Variants in ADAMTSL3 observed in about 807,000 individuals in gnomAD.
The protein encoded by ADAMTSL3 is ADAMTS like 3.
In ADAMTSL3, 128 loss-of-function variants were observed where a neutral mutation model predicts 201.7. That is an observed-to-expected ratio of 0.63 (90% CI 0.55 to 0.73). ADAMTSL3 has a LOEUF of 0.73. Ranked by LOEUF, ADAMTSL3 falls within the 30% of genes least tolerant of loss-of-function variation. The pLI is 0.00. For synonymous variants in ADAMTSL3, 738 were observed against 748.4 expected (o/e 0.99, Z 0.23); for missense variants, 1,990 against 2,119.6 (o/e 0.94, Z 1.20).
At chr15:83,794,618 A>C (rs2063394376) in intron 4 of ADAMTSL3, among the ~76,000 whole-genome samples, 1 of 152,016 alleles carries the variant, frequency 6.6e-6, no homozygotes, top group South Asian at 2.1e-4. Flanking sequence ...AAATTATAGA[A>C]ATGGAGAACA....
intron 15 of ADAMTSL3, among the ~76,000 whole-genome samples, chr15:83,903,298 A>G (rs1345896083): frequency 3.4e-5 from 5 of 146,048 alleles, no homozygotes; most frequent in Non-Finnish European, 4.4e-5. Flanking sequence ...TACCATTTTA[A>G]CCATTTGAAA....
chr15:84,007,666 A>G (rs1306958891), intron 23 of ADAMTSL3, among the ~76,000 whole-genome samples: 1 of 152,220 alleles, frequency 6.6e-6, no homozygotes, highest in African/African-American at 2.4e-5. Flanking sequence ...ATCATAAAAC[A>G]TCATAAGCAG....
At chr15:84,031,301 A>G in intron 27 of ADAMTSL3, 34 bp from the exon 28 acceptor site, 3 of 1,601,434 alleles carry the variant, frequency 1.9e-6, no homozygotes, top group Middle Eastern at 1.9e-4. Flanking sequence ...ATGAGCTTGC[A>G]GGATTTACAC....
chr15:83,825,580 C>A (rs2064005144), intron 6 of ADAMTSL3, among the ~76,000 whole-genome samples: 1 of 152,058 alleles, frequency 6.6e-6, no homozygotes, highest in East Asian at 1.9e-4. Context: ...GATTGTACCA[C>A]TGTACTCCAG....
At chr15:83,761,538 AT>A (rs1226279820) in intron 3 of ADAMTSL3, among the ~76,000 whole-genome samples, 1 of 152,044 alleles carries the variant, frequency 6.6e-6, no homozygotes, top group Non-Finnish European at 1.5e-5. Context: ...CCTGGAGGAC[AT>A]TTTTGCTTTT....
chr15:83,888,768 C>T (rs2065447561), intron 10 of ADAMTSL3, among the ~76,000 whole-genome samples: 1 of 152,198 alleles, frequency 6.6e-6, no homozygotes, highest in Non-Finnish European at 1.5e-5. Flanking sequence ...TTTGGATTTT[C>T]ATTCTTGCGG....
chr15:83,913,461 T>C (rs539939332), intron 16 of ADAMTSL3, 83 bp downstream of exon 16: 2 of 1,412,442 alleles, frequency 1.4e-6, no homozygotes, highest in African/African-American at 1.4e-5. Context: ...AAGCCAAATA[T>C]GCAAATTAGC....
At chr15:83,677,696 C>T (rs555066683) in intron 2 of ADAMTSL3, among the ~76,000 whole-genome samples, 1 of 151,980 alleles carries the variant, frequency 6.6e-6, no homozygotes, top group African/African-American at 2.4e-5. Context: ...ATGGTTGAGT[C>T]ATGTTTTTAA....
intron 3 of ADAMTSL3, among the ~76,000 whole-genome samples, chr15:83,760,726 C>T (rs1421156265): frequency 6.6e-6 from 1 of 152,078 alleles, no homozygotes; most frequent in African/African-American, 2.4e-5. Flanking sequence ...AAACTTCCAA[C>T]AGTATGTAGC....
chr15:83,961,552 T>G (rs1267385689), intron 19 of ADAMTSL3: 3 of 152,126 alleles, frequency 2.0e-5, no homozygotes, highest in Non-Finnish European at 4.4e-5. Flanking sequence ...CCAAATAAAC[T>G]AAAAATTCTC....
Position 83,870,938 on chromosome 15 carries a change from G to C in ADAMTSL3, c.939G>C (p.Leu313=), listed in dbSNP as rs1280021079. The stretch of plus-strand genomic sequence containing the variant: ...AAACTTTTAAGATTCCAGGACCTCT[G>C]ATGGCTGATTTCATCTTCAAGGTAG... ...ERQTFKIPGP[L]MADFIFKTRY... The change falls in exon 9 of 30, where the codon CTG becomes CTC. Residue 313 remains leucine (L), a synonymous_variant. Transcript: ENST00000286744. The C allele has an allele frequency of 1.2e-6, 2 of 1,613,312 alleles. No homozygotes were observed. The highest frequency in any genetic ancestry group is 2.7e-5 in the African/African-American group (2 of 74,986).
rs6145659 is a variant in ADAMTSL3 at position 83,872,627 on chromosome 15, C to CACACACACACACACACACACACACACAG, written c.960+1669_960+1670insCACACACACACACACACACACACACAGA. Among the ~76,000 whole-genome samples the CACACACACACACACACACACACACACAG allele has an allele frequency of 3.7e-3, 522 of 140,992 alleles. 8 individuals are homozygous for CACACACACACACACACACACACACACAG. The highest frequency in any genetic ancestry group is 4.3e-3 in the Non-Finnish European group (281 of 65,994). The allele number at this position is 140,992 out of a possible 152,430, so 92.5% of individuals were successfully genotyped here. Reference sequence around the variant, plus strand: ...ACACACACACACACACACACACACACAGAGTTTTTGTTCTCTTTTAATTAC... The same window carrying CACACACACACACACACACACACACACAG: ...ACACACACACACACACACACACACACACACACACACACACACACACACACACAGAGAGTTTTTGTTCTCTTTTAATTAC... On this transcript the variant is annotated intron_variant, in intron 9 of 29. Transcript: ENST00000286744.
chr15:83,687,881 C>G (rs1366688810), intron 2 of ADAMTSL3, among the ~76,000 whole-genome samples: 1 of 132,586 alleles, frequency 7.5e-6, no homozygotes, highest in Non-Finnish European at 1.6e-5. Context: ...CACTACAGCC[C>G]AACACCAGTT....
At position 83,819,188 on chromosome 15, in the gene ADAMTSL3, T is replaced by G. The variant is rs188044756; in HGVS notation, c.364-623T>G. Among the ~76,000 whole-genome samples the G allele has an allele frequency of 3.5e-3, 532 of 151,076 alleles. 2 individuals are homozygous for G. Among genetic ancestry groups the G allele is most frequent in the African/African-American group, 0.012 (510 of 41,092 alleles). Reference sequence around the variant, plus strand: ...AGGGGGGCTGAAGCAGGAGAATCGCTTGAACCTGGGAGGCGGAGGTTGCAG... The same window carrying G: ...AGGGGGGCTGAAGCAGGAGAATCGCGTGAACCTGGGAGGCGGAGGTTGCAG... On this transcript the variant is annotated intron_variant, in intron 5 of 29. Transcript: ENST00000286744.
intron 4 of ADAMTSL3, among the ~76,000 whole-genome samples, chr15:83,775,578 T>C (rs1378719061): frequency 6.6e-6 from 1 of 152,208 alleles, no homozygotes; most frequent in Non-Finnish European, 1.5e-5. Flanking sequence ...ACTTCTTCCA[T>C]CTTTTCTACT....
At chr15:83,744,666 C>T (rs2062514666) in intron 3 of ADAMTSL3, among the ~76,000 whole-genome samples, 1 of 152,094 alleles carries the variant, frequency 6.6e-6, no homozygotes, top group African/African-American at 2.4e-5. Flanking sequence ...GTATAGTCAC[C>T]TGTGTTGTAC....
At chr15:83,866,777 A>G (rs1380887479) in intron 8 of ADAMTSL3, among the ~76,000 whole-genome samples, 1 of 152,190 alleles carries the variant, frequency 6.6e-6, no homozygotes, top group East Asian at 1.9e-4. Context: ...AAGAATAAGT[A>G]AAGGTGAACA....
chr15:83,774,475 C>G (rs1030393185), intron 4 of ADAMTSL3, among the ~76,000 whole-genome samples: 1 of 152,174 alleles, frequency 6.6e-6, no homozygotes, highest in Non-Finnish European at 1.5e-5. Flanking sequence ...CTCCAGTTTC[C>G]TTGAGACATT....
At chr15:83,759,728 CCTG>C (rs2062778680) in intron 3 of ADAMTSL3, among the ~76,000 whole-genome samples, 2 of 152,228 alleles carry the variant, frequency 1.3e-5, no homozygotes, top group South Asian at 4.1e-4. Context: ...CATTGCCTAT[CCTG>C]TGGCAGCTCT....
Sources: gnomAD v4.1 joint callset for allele counts (sites outside exome capture counted in the v4.1 genomes callset) on GRCh38, gnomAD v4.1.1 for gene constraint, MANE v1.5 for transcripts, NCBI Gene and HGNC (gene_info 2026-07-23, HGNC 2026-07-21) for gene names.